The following FAM168A variants were observed in gnomAD, a reference collection of about 807,000 sequenced individuals.
FAM168A encodes the protein family with sequence similarity 168 member A.
A neutral mutation model predicts 28.5 loss-of-function variants in FAM168A; 3 were observed. The observed-to-expected ratio is 0.11, with a 90% confidence interval of 0.05 to 0.27. The LOEUF (loss-of-function observed/expected upper bound fraction) is 0.27. FAM168A is among the 10% of genes least tolerant of loss of function. The pLI is 1.00. For missense variants in FAM168A, 222 were observed against 311.5 expected (o/e 0.71, Z 2.16); for synonymous variants, 122 against 124.2 (o/e 0.98, Z 0.12).
At chr11:73,502,100 C>T (rs1378863355) in intron 1 of FAM168A, among the ~76,000 whole-genome samples, 4 of 103,132 alleles carry the variant, frequency 3.9e-5, no homozygotes, top group African/African-American at 1.1e-4. Flanking sequence ...AGCTTTGTCT[C>T]GAAAAAAAAA....
chr11:73,497,834 T>A (rs755835086), intron 1 of FAM168A, among the ~76,000 whole-genome samples: 2 of 152,144 alleles, frequency 1.3e-5, no homozygotes, highest in African/African-American at 2.4e-5. Flanking sequence ...CAAACCAACA[T>A]GGCACATGTA....
chr11:73,442,775 A>G (rs1228390153), intron 2 of FAM168A, among the ~76,000 whole-genome samples: 3 of 149,578 alleles, frequency 2.0e-5, no homozygotes, highest in Non-Finnish European at 4.4e-5. Flanking sequence ...CCTCTAGGTG[A>G]CTGTTGGGTA....
intron 1 of FAM168A, among the ~76,000 whole-genome samples, chr11:73,490,721 C>G (rs1028470148): frequency 6.6e-6 from 1 of 152,186 alleles, no homozygotes; most frequent in Non-Finnish European, 1.5e-5. Flanking sequence ...TGGCTCCCTA[C>G]CTAAAAGTGC....
chr11:73,502,734 C>T lies in FAM168A; in HGVS notation c.-18-34242G>A, dbSNP rs146133780. 2.0e-3 allele frequency among the ~76,000 whole-genome samples: 299 copies of T among 152,208 alleles called. 6 individuals carry two copies. In the East Asian group the frequency reaches 0.022, roughly 11 times the overall value. The stretch of plus-strand genomic sequence containing the variant: ...CAGGCCAAATATCCCTGATGAACAT[C>T]AATGCAAAAATCTTCAATAAAATAC... On this transcript the variant is annotated intron_variant, in intron 1 of 7. Transcript: ENST00000356467.
chr11:73,539,772 A>G (rs1943631128), intron 1 of FAM168A, among the ~76,000 whole-genome samples: 3 of 152,244 alleles, frequency 2.0e-5, no homozygotes, highest in Non-Finnish European at 4.4e-5. Flanking sequence ...AATGTTACCT[A>G]GAGATGAATA....
At chr11:73,515,505 T>A (rs1163378535) in intron 1 of FAM168A, among the ~76,000 whole-genome samples, 1 of 130,874 alleles carries the variant, frequency 7.6e-6, no homozygotes, top group Non-Finnish European at 1.6e-5. Flanking sequence ...CAAAACTCTG[T>A]CTCAAAAAAA....
At chr11:73,447,528 C>T (rs1346299903) in intron 2 of FAM168A, among the ~76,000 whole-genome samples, 3 of 149,982 alleles carry the variant, frequency 2.0e-5, no homozygotes, top group Non-Finnish European at 4.4e-5. Context: ...TGCATTCCAG[C>T]CTGGGCAACA....
chr11:73,515,264 C>A (rs1007715157), intron 1 of FAM168A, among the ~76,000 whole-genome samples: 6 of 152,078 alleles, frequency 3.9e-5, no homozygotes, highest in African/African-American at 1.4e-4. Flanking sequence ...AAGCCCAGCA[C>A]TTTAGGAGGC....
intron 2 of FAM168A, among the ~76,000 whole-genome samples, chr11:73,434,967 A>G (rs1239099198): frequency 6.6e-6 from 1 of 152,224 alleles, no homozygotes; most frequent in Non-Finnish European, 1.5e-5. Flanking sequence ...TACTTGTTCT[A>G]GCAGTGTATA....
At chr11:73,545,494 G>A (rs543606474) in intron 1 of FAM168A, among the ~76,000 whole-genome samples, 8 of 151,922 alleles carry the variant, frequency 5.3e-5, no homozygotes, top group African/African-American at 1.9e-4. Context: ...AATAGGTAAC[G>A]AAAATATTCT....
intron 2 of FAM168A, among the ~76,000 whole-genome samples, chr11:73,450,676 C>T (rs1867411059): frequency 6.7e-6 from 1 of 149,418 alleles, no homozygotes; most frequent in South Asian, 2.2e-4. Flanking sequence ...CACTCCCCTC[C>T]CCCCAAATCT....
In FAM168A at chr11:73,514,840, T is replaced by C. The variant is rs1356066142; in HGVS notation, c.-18-46348A>G. Among the ~76,000 whole-genome samples, 3 of 149,452 alleles carry C rather than the reference T, an allele frequency of 2.0e-5. No individual in the cohort carries two copies. The East Asian group carries it at 5.9e-4, about 29-fold the overall frequency. On this transcript the variant is annotated intron_variant, in intron 1 of 7. Transcript: ENST00000356467. ...AGAGTGAGACTCTGCCATCCATCCA[T>C]CCATCCATCCATCCATCCATCCATC...
chr11:73,522,383 G>A (rs943533161), intron 1 of FAM168A, among the ~76,000 whole-genome samples: 1 of 151,940 alleles, frequency 6.6e-6, no homozygotes, highest in African/African-American at 2.4e-5. Flanking sequence ...GCAGTGGTGC[G>A]ATCTCGGCTC....
chr11:73,557,353 T>C (rs1057038081), intron 1 of FAM168A, among the ~76,000 whole-genome samples: 11 of 151,936 alleles, frequency 7.2e-5, no homozygotes, highest in African/African-American at 2.7e-4. Flanking sequence ...AAATGAGAGT[T>C]ACTGTTTAAG....
intron 1 of FAM168A, among the ~76,000 whole-genome samples, chr11:73,484,581 TATC>T (rs976676061): frequency 3.8e-5 from 3 of 79,200 alleles, no homozygotes; most frequent in Non-Finnish European, 6.3e-5. Flanking sequence ...TATATATCGA[TATC>T]TATCTATATA....
intron 2 of FAM168A, among the ~76,000 whole-genome samples, chr11:73,436,614 C>G (rs1469475540): frequency 6.6e-6 from 1 of 152,166 alleles, no homozygotes; most frequent in Non-Finnish European, 1.5e-5. Context: ...GGCCACTGTG[C>G]TAGGCACTTC....
intron 1 of FAM168A, among the ~76,000 whole-genome samples, chr11:73,519,831 TA>T (rs1481344555): frequency 2.1e-4 from 32 of 151,066 alleles, no homozygotes; most frequent in African/African-American, 6.6e-4. Context: ...TATATATGTA[TA>T]TTTTTTTTTT....
intron 1 of FAM168A, among the ~76,000 whole-genome samples, chr11:73,525,318 G>C (rs1416510136): frequency 1.3e-5 from 2 of 152,088 alleles, no homozygotes; most frequent in African/African-American, 4.8e-5. Context: ...TTAAACTGGG[G>C]AAAGGGACGT....
At chr11:73,530,311 A>G (rs1943501389) in intron 1 of FAM168A, among the ~76,000 whole-genome samples, 1 of 152,030 alleles carries the variant, frequency 6.6e-6, no homozygotes, top group Non-Finnish European at 1.5e-5. Flanking sequence ...TAGGCTGACT[A>G]CATTTCTCCT....
Sources: gnomAD v4.1 joint callset for allele counts (sites outside exome capture counted in the v4.1 genomes callset) on GRCh38, gnomAD v4.1.1 for gene constraint, MANE v1.5 for transcripts, NCBI Gene and HGNC (gene_info 2026-07-23, HGNC 2026-07-21) for gene names.